The following SFMBT1 variants were observed in gnomAD, a reference collection of about 807,000 sequenced individuals.
SFMBT1 encodes the protein Scm like with four mbt domains 1.
In SFMBT1, 32 loss-of-function variants were observed where a neutral mutation model predicts 108.7. The ratio of observed to expected loss-of-function variants is 0.29; its 90% confidence interval spans 0.22 to 0.40. The LOEUF (loss-of-function observed/expected upper bound fraction) is 0.40, where lower values mean the gene tolerates loss of function less well. Ranked by LOEUF, SFMBT1 falls within the 10% of genes least tolerant of loss-of-function variation. The pLI is 1.00. For missense variants in SFMBT1, 816 were observed against 1,059.6 expected (o/e 0.77, Z 3.19); for synonymous variants, 348 against 369.5 (o/e 0.94, Z 0.67).
chr3:52,928,213 G>A lies in SFMBT1; in HGVS notation c.1026C>T (p.Gly342=). 6.2e-7 allele frequency: 1 copy of A among 1,613,266 alleles called. No homozygotes were observed. The highest frequency in any genetic ancestry group is 1.1e-5 in the South Asian group (1 of 90,938). The change falls in exon 9 of 21, where the codon GGC becomes GGT. Residue 342 remains glycine (G), a synonymous_variant. Coordinates refer to ENST00000394752, the MANE Select transcript of SFMBT1 (RefSeq NM_016329.4). ...CACCTGGAGGGGGGCTGATGTGTAG[G>A]CCATTCTTCAGACTCCACTGCACAG... is the stretch of plus-strand genomic sequence containing the variant. ...IFPVQWSLKN[G]LHISPPPGYP... is the part of the protein sequence containing the mutation.
intron 1 of SFMBT1, among the ~76,000 whole-genome samples, chr3:52,991,342 C>CTTTTTTT (rs71087045): frequency 0.18 from 16,008 of 90,478 alleles, 2,172 homozygotes; most frequent in East Asian, 0.33. Context: ...GCTGAAACTT[C>CTTTTTTT]TTTTTTTTTT....
intron 2 of SFMBT1, among the ~76,000 whole-genome samples, chr3:52,961,828 G>A (rs534782312): frequency 3.9e-5 from 6 of 152,204 alleles, no homozygotes; most frequent in Admixed American, 6.5e-5. Flanking sequence ...CTGGGCATTC[G>A]TGGCCCTTAG....
intron 3 of SFMBT1, among the ~76,000 whole-genome samples, chr3:52,944,156 T>C (rs1043603999): frequency 2.6e-5 from 4 of 152,248 alleles, no homozygotes; most frequent in African/African-American, 9.6e-5. Flanking sequence ...AGGTCTGGGT[T>C]AGCAAATCTG....
chr3:52,921,616 C>A, intron 11 of SFMBT1, 89 bp downstream of exon 11: 2 of 1,366,590 alleles, frequency 1.5e-6, no homozygotes, highest in South Asian at 2.8e-5. Flanking sequence ...TTAACTAATC[C>A]ATTAAGTTTA....
intron 1 of SFMBT1, among the ~76,000 whole-genome samples, chr3:53,022,266 A>G (rs1699336385): frequency 6.6e-6 from 1 of 152,116 alleles, no homozygotes; most frequent in Non-Finnish European, 1.5e-5. Flanking sequence ...ACTGGGCAAC[A>G]TGGTGAAACC....
rs201653986 is a variant in SFMBT1, at chr3:52,966,949, G to GTT, written c.28+2150_28+2151dup. Among the ~76,000 whole-genome samples, 257 of 146,860 alleles carry GTT rather than the reference G, an allele frequency of 1.7e-3. 8 individuals are homozygous for GTT. The East Asian group carries it at 0.039, about 23-fold the overall frequency. On this transcript the variant is annotated intron_variant, in intron 2 of 20. Transcript: ENST00000394752. ...TTTAATAAAATGAAGATTGTGATAA[G>GTT]TTATATATATATATATATACTATAA...
chr3:53,011,888 A>C (rs929490977), intron 1 of SFMBT1, among the ~76,000 whole-genome samples: 2 of 152,176 alleles, frequency 1.3e-5, no homozygotes, highest in African/African-American at 4.8e-5. Flanking sequence ...AAAGTAGAAG[A>C]AAGGTTGGAT....
chr3:52,999,303 G>A (rs867663657), intron 1 of SFMBT1, among the ~76,000 whole-genome samples: 4 of 150,344 alleles, frequency 2.7e-5, no homozygotes, highest in African/African-American at 7.3e-5. Flanking sequence ...AAGCACAGCC[G>A]TGGACACCGG....
chr3:52,907,666 A>G lies in SFMBT1; in HGVS notation c.1974T>C (p.Ala658=), dbSNP rs1702104445. ...GRPPGGHSNL[A]CALKKASKRR... The stretch of plus-strand genomic sequence containing the variant: ...TCTTACTGGCTTTTTTCAGGGCACA[A>G]GCTAAGTTACTATGCCCACCAGGTG... Residue 658 remains alanine, a synonymous_variant, in exon 18 of 21, where the codon GCT becomes GCC. Transcript: ENST00000394752. The G allele has an allele frequency of 1.2e-6, 2 of 1,614,214 alleles. No individual in the cohort carries two copies. Among genetic ancestry groups the G allele is most frequent in the Non-Finnish European group, 1.7e-6 (2 of 1,180,044 alleles).
In SFMBT1 at chr3:53,029,965, T is replaced by C. The variant is rs368055433; in HGVS notation, c.-131+15851A>G. On this transcript the variant is annotated intron_variant, in intron 1 of 20. Coordinates refer to ENST00000394752, the MANE Select transcript of SFMBT1 (RefSeq NM_016329.4). ...CACTAACTTAGAAAAAAAAACACTT[T>C]TAAGTGTTTAGTATTAGAAATACTA... Among the ~76,000 whole-genome samples, 5 of 152,244 alleles carry C rather than the reference T, an allele frequency of 3.3e-5. No homozygotes were observed. The East Asian group carries it at 7.7e-4, about 23-fold the overall frequency.
rs1183522754 is a variant in SFMBT1 at position 53,033,768 on chromosome 3, A to AT, written c.-131+12047_-131+12048insA. On this transcript the variant is annotated intron_variant, in intron 1 of 20. Transcript: ENST00000394752. ...CAATGCCATTATCACACCAAAAAAG[A>AT]CAAAAAAAAAAAAAAAATCACCCTG... 3.8e-3 allele frequency among the ~76,000 whole-genome samples: 542 copies of AT among 144,486 alleles called. 3 individuals carry two copies. The highest frequency in any genetic ancestry group is 0.014 in the African/African-American group (506 of 36,976). 94.8% of individuals were successfully genotyped at this position (144,486 alleles called of 152,430 possible).
chr3:52,990,195 C>T (rs961217586), intron 1 of SFMBT1, among the ~76,000 whole-genome samples: 2 of 152,192 alleles, frequency 1.3e-5, no homozygotes, highest in Non-Finnish European at 2.9e-5. Flanking sequence ...TCAAAGCATA[C>T]ACCCGAAGTC....
rs538703106 is a variant in SFMBT1, at chr3:53,003,107, G to A, written c.-130-33849C>T. 5.3e-5 allele frequency among the ~76,000 whole-genome samples: 6 copies of A among 113,236 alleles called. No individual in the cohort carries two copies. In the East Asian group the frequency reaches 1.6e-3, roughly 31 times the overall value. 74.3% of individuals were successfully genotyped at this position (113,236 alleles called of 152,430 possible). On this transcript the variant is annotated intron_variant, in intron 1 of 20. Coordinates refer to ENST00000394752, the MANE Select transcript of SFMBT1 (RefSeq NM_016329.4). Reference sequence around the variant, plus strand: ...ACTGCACTCCAGCCTGGGTGACAGAGTGGGACTCCATCACAAAAAAAAAAA... The same window carrying A: ...ACTGCACTCCAGCCTGGGTGACAGAATGGGACTCCATCACAAAAAAAAAAA...
At chr3:52,970,100 C>CAAA (rs1160705166) in intron 1 of SFMBT1, among the ~76,000 whole-genome samples, 1 of 127,384 alleles carries the variant, frequency 7.9e-6, no homozygotes, top group African/African-American at 2.9e-5. Context: ...GACACTGTCT[C>CAAA]AAAAAAAAAA....
chr3:53,017,539 T>G (rs771338010), intron 1 of SFMBT1, among the ~76,000 whole-genome samples: 1 of 152,184 alleles, frequency 6.6e-6, no homozygotes, highest in Non-Finnish European at 1.5e-5. Context: ...TATTCTACAT[T>G]AAGTCTTACA....
intron 13 of SFMBT1, among the ~76,000 whole-genome samples, chr3:52,917,399 G>A (rs527432984): frequency 6.6e-6 from 1 of 152,026 alleles, no homozygotes. Context: ...GGGTCGGGGG[G>A]TGCCGGGGAG....
At chr3:52,954,444 TC>T in intron 2 of SFMBT1, 33 bp from the exon 3 acceptor site, 1 of 1,510,028 alleles carries the variant, frequency 6.6e-7, no homozygotes, top group East Asian at 2.3e-5. Context: ...AACAGGTGAA[TC>T]CCAATTAAAG....
chr3:53,043,412 A>G (rs993412401), intron 1 of SFMBT1, among the ~76,000 whole-genome samples: 2 of 152,228 alleles, frequency 1.3e-5, no homozygotes, highest in African/African-American at 4.8e-5. Flanking sequence ...ATATAAGTCA[A>G]CTGCTGTCAT....
chr3:52,928,427 G>A, intron 8 of SFMBT1, 86 bp from the exon 9 acceptor site: 1 of 1,410,106 alleles, frequency 7.1e-7, no homozygotes, highest in Non-Finnish European at 9.6e-7. Context: ...TATTACAAAA[G>A]TTCATACTCA....
Sources: gnomAD v4.1 joint callset for allele counts (sites outside exome capture counted in the v4.1 genomes callset) on GRCh38, gnomAD v4.1.1 for gene constraint, MANE v1.5 for transcripts, NCBI Gene and HGNC (gene_info 2026-07-23, HGNC 2026-07-21) for gene names.